PRKCI: variants seen among roughly 807,000 people sequenced by gnomAD.
The protein encoded by PRKCI is protein kinase C iota type.
A neutral mutation model predicts 84.0 loss-of-function variants in PRKCI; 43 were observed. The observed-to-expected ratio is 0.51, with a 90% CI of 0.40 to 0.66. The LOEUF is 0.66. Among genes scored for constraint, PRKCI ranks in the 30% least tolerant of loss-of-function variants. The probability of loss-of-function intolerance (pLI) is 0.00; values close to 1 mark genes in which losing one functional copy is unlikely to be tolerated. For missense variants in PRKCI, 459 were observed against 745.6 expected (o/e 0.62, Z 4.48); for synonymous variants, 216 against 234.4 (o/e 0.92, Z 0.72).
At chr3:170,242,783 G>A (rs566045783) in intron 2 of PRKCI, among the ~76,000 whole-genome samples, 98 of 152,024 alleles carry the variant, frequency 6.4e-4, no homozygotes, top group Middle Eastern at 3.4e-3. Context: ...CGATTGTCCT[G>A]CCTCAACCTC....
At chr3:170,275,938 T>C (rs1173814675) in intron 8 of PRKCI, among the ~76,000 whole-genome samples, 3 of 137,552 alleles carry the variant, frequency 2.2e-5, no homozygotes, top group Admixed American at 1.4e-4. Flanking sequence ...ATCATTCTTT[T>C]TTTTTTTTTT....
rs1044351182 is a variant in PRKCI at position 170,274,250 on chromosome 3, G to C, written c.646+910G>C. On this transcript the variant is annotated intron_variant, in intron 7 of 17. Coordinates refer to ENST00000295797, the MANE Select transcript of PRKCI (RefSeq NM_002740.6). Reference sequence around the variant, plus strand: ...AGGTTCAAGTGATTCTCCTGCCTCAGCCTCCTGAGCATCTGGGATTACAGG... The same window carrying C: ...AGGTTCAAGTGATTCTCCTGCCTCACCCTCCTGAGCATCTGGGATTACAGG... 5.9e-5 allele frequency among the ~76,000 whole-genome samples: 9 copies of C among 152,206 alleles called. No individual in the cohort carries two copies. In the East Asian group the frequency reaches 1.7e-3, roughly 29 times the overall value.
chr3:170,269,828 C>T (rs7639689), intron 5 of PRKCI, among the ~76,000 whole-genome samples: 12,311 of 151,940 alleles, frequency 0.081, 1,197 homozygotes, highest in African/African-American at 0.23. Flanking sequence ...TATGGTGGCG[C>T]ATACCTGTAA....
At position 170,234,756 on chromosome 3, in the gene PRKCI, T is replaced by C. The variant is rs183795704; in HGVS notation, c.102-474T>C. On this transcript the variant is annotated intron_variant, in intron 1 of 17. Coordinates refer to ENST00000295797, the MANE Select transcript of PRKCI (RefSeq NM_002740.6). ...TATTTTTAAAAACTATTTAAAACAA[T>C]ATAATTATGCAAGTGTGTATATATG... Among the ~76,000 whole-genome samples, 218 of 152,292 alleles carry C rather than the reference T, an allele frequency of 1.4e-3. 3 individuals carry two copies. Among genetic ancestry groups the C allele is most frequent in the Admixed American group, 0.013 (195 of 15,300 alleles).
intron 2 of PRKCI, among the ~76,000 whole-genome samples, chr3:170,252,162 C>T (rs1358503700): frequency 1.3e-5 from 2 of 150,668 alleles, no homozygotes; most frequent in Middle Eastern, 3.2e-3. Context: ...TGCAGTGAGC[C>T]GAGATTGCGC....
Position 170,270,402 on chromosome 3 carries a change from G to T in PRKCI, c.451-19G>T, listed in dbSNP as rs1276392090. On this transcript the variant is annotated intron_variant, in intron 5 of 17. Transcript: ENST00000295797. Reference sequence around the variant, plus strand: ...TGACCTTCTTGGTTAATAAAATATTGTTGAATTACTCTTTTCAGCGTGCTC... The same window carrying T: ...TGACCTTCTTGGTTAATAAAATATTTTTGAATTACTCTTTTCAGCGTGCTC... 1.3e-6 allele frequency: 2 copies of T among 1,577,206 alleles called. No homozygotes were observed. Among genetic ancestry groups the T allele is most frequent in the Non-Finnish European group, 1.7e-6 (2 of 1,156,864 alleles).
At chr3:170,274,644 A>G (rs1395034098) in intron 7 of PRKCI, among the ~76,000 whole-genome samples, 1 of 152,192 alleles carries the variant, frequency 6.6e-6, no homozygotes, top group Non-Finnish European at 1.5e-5. Context: ...GAAAGGGAAA[A>G]CAAGGGAGTT....
At chr3:170,231,388 A>G (rs1209283785) in intron 1 of PRKCI, among the ~76,000 whole-genome samples, 2 of 152,084 alleles carry the variant, frequency 1.3e-5, no homozygotes, top group Non-Finnish European at 2.9e-5. Flanking sequence ...ACTGTCTTAG[A>G]ATTTTTAAGC....
At chr3:170,235,492 T>C (rs112093305) in intron 2 of PRKCI, 141 bp downstream of exon 2, 2 of 925,410 alleles carry the variant, frequency 2.2e-6, no homozygotes, top group Non-Finnish European at 3.2e-6. Context: ...TTTCTTTAAG[T>C]ATTTAAAAGA....
At position 170,304,486 on chromosome 3, in the gene PRKCI, C is replaced by A. The variant is rs1307774592; in HGVS notation, c.*1359C>A. ...AATTATGCTCATTTCTTCCCCTAAACCACATTATCTATATGATTGGACCCT... is the reference window on the plus strand; with the variant it reads ...AATTATGCTCATTTCTTCCCCTAAAACACATTATCTATATGATTGGACCCT... On this transcript the variant is annotated 3_prime_UTR_variant, in exon 18 of 18. Coordinates refer to ENST00000295797, the MANE Select transcript of PRKCI (RefSeq NM_002740.6). 6.6e-6 allele frequency: 1 copy of A among 152,098 alleles called. No individual in the cohort carries two copies. Among genetic ancestry groups the A allele is most frequent in the Non-Finnish European group, 1.5e-5 (1 of 68,020 alleles). 9.4% of individuals were successfully genotyped at this position (152,098 alleles called of 1,614,324 possible).
chr3:170,291,647 AGATC>A, intron 12 of PRKCI: 1 of 458,872 alleles, frequency 2.2e-6, no homozygotes, highest in Non-Finnish European at 4.1e-6. Flanking sequence ...TAGTGAGCTG[AGATC>A]GTGCCACTGC....
intron 15 of PRKCI, among the ~76,000 whole-genome samples, chr3:170,296,841 G>A (rs964635697): frequency 2.0e-5 from 3 of 152,078 alleles, no homozygotes; most frequent in Non-Finnish European, 4.4e-5. Context: ...TAAGTTGCAG[G>A]CTCCTCAGTC....
intron 5 of PRKCI, among the ~76,000 whole-genome samples, chr3:170,269,325 A>C (rs1560177738): frequency 6.6e-6 from 1 of 152,106 alleles, no homozygotes; most frequent in Non-Finnish European, 1.5e-5. Flanking sequence ...ACCACCCGAA[A>C]TCCCTCTCCA....
chr3:170,237,979 A>G (rs999650337), intron 2 of PRKCI, among the ~76,000 whole-genome samples: 4 of 152,180 alleles, frequency 2.6e-5, no homozygotes, highest in African/African-American at 9.7e-5. Flanking sequence ...AACATGACAA[A>G]TGACATACAG....
At chr3:170,242,458 G>A (rs560155543) in intron 2 of PRKCI, among the ~76,000 whole-genome samples, 48 of 147,386 alleles carry the variant, frequency 3.3e-4, no homozygotes, top group African/African-American at 1.3e-3. Flanking sequence ...AAAAGAAAAA[G>A]AAAAGACAAG....
chr3:170,259,928 G>T (rs780073397), intron 2 of PRKCI, 41 bp from the exon 3 acceptor site: 1 of 1,208,714 alleles, frequency 8.3e-7, no homozygotes, highest in Non-Finnish European at 1.2e-6. Context: ...TCACATTTAG[G>T]GGTTTTAAAG....
intron 2 of PRKCI, among the ~76,000 whole-genome samples, chr3:170,253,706 G>A (rs1383179193): frequency 6.6e-6 from 1 of 152,096 alleles, no homozygotes; most frequent in Non-Finnish European, 1.5e-5. Context: ...CAAGAGAATG[G>A]CATGAACCTG....
At chr3:170,241,339 C>G (rs570966129) in intron 2 of PRKCI, among the ~76,000 whole-genome samples, 2 of 152,302 alleles carry the variant, frequency 1.3e-5, no homozygotes, top group East Asian at 3.9e-4. Flanking sequence ...CCTCCTTTCT[C>G]TATCTAACCC....
At chr3:170,232,352 A>G (rs1327155679) in intron 1 of PRKCI, among the ~76,000 whole-genome samples, 1 of 151,054 alleles carries the variant, frequency 6.6e-6, no homozygotes, top group Non-Finnish European at 1.5e-5. Context: ...GCCTGGCTGC[A>G]CTCATTTATT....
Sources: gnomAD v4.1 joint callset for allele counts (sites outside exome capture counted in the v4.1 genomes callset) on GRCh38, gnomAD v4.1.1 for gene constraint, MANE v1.5 for transcripts, NCBI Gene and HGNC (gene_info 2026-07-23, HGNC 2026-07-21) for gene names.